MYL5: variants seen among roughly 807,000 people sequenced by gnomAD.
The protein encoded by MYL5 is myosin regulatory light chain 5.
Under a neutral mutation model 20.8 loss-of-function variants are expected in MYL5, and 28 were observed. That is an observed-to-expected ratio of 1.35 (90% CI 1.00 to 1.84). The LOEUF (loss-of-function observed/expected upper bound fraction) is 1.84, where lower values mean the gene tolerates loss of function less well. MYL5 is among the 40% of genes most tolerant of loss of function. The pLI is 0.00. For missense variants in MYL5, 274 were observed against 227.3 expected, an observed-to-expected ratio of 1.21 and a Z score of -1.32; for synonymous variants, 118 against 87.4, an observed-to-expected ratio of 1.35 and a Z score of -1.95.
At chr4:681,928 G>T (rs534288644) in exon 7 of MYL5, 9 of 1,323,220 alleles carry the variant, frequency 6.8e-6, no homozygotes, top group Middle Eastern at 4.1e-4. Context: ...CCATCGATGT[G>T]GCGGGCAACC....
intron 6 of MYL5, among the ~76,000 whole-genome samples, chr4:681,541 G>A (rs1473183181): frequency 1.0e-5 from 1 of 96,158 alleles, no homozygotes; most frequent in African/African-American, 4.1e-5. Context: ...GGTCCTCCCC[G>A]ACGCTGCTGA....
intron 3 of MYL5, 49 bp from the exon 6 acceptor site, chr4:679,865 C>T: frequency 1.9e-6 from 3 of 1,541,428 alleles, no homozygotes; most frequent in Admixed American, 1.7e-5. Context: ...GCTGGTGGCA[C>T]AGGGCAGGCA....
upstream of MYL5, chr4:674,678 C>G (rs1033214726): frequency 1.2e-5 from 3 of 243,184 alleles, no homozygotes; most frequent in Non-Finnish European, 2.4e-5. Context: ...GCGTCGGAGG[C>G]CTGAGGTCAG....
chr4:681,632 C>G lies in MYL5; in HGVS notation c.421-261C>G, dbSNP rs1038678994. Among the ~76,000 whole-genome samples the G allele has an allele frequency of 3.3e-4, 29 of 87,632 alleles. 1 individual carries two copies. Among genetic ancestry groups the G allele is most frequent in the African/African-American group, 7.0e-4 (15 of 21,568 alleles). The allele number at this position is 87,632 out of a possible 152,430, so 57.5% of individuals were successfully genotyped here. The stretch of plus-strand genomic sequence containing the variant: ...CCCCTCCAGCGCCGCCCCGCCCCCT[C>G]CAGCGCCGCCCCGCCCCCTCCAGCG... On this transcript the variant is annotated intron_variant, in intron 6 of 6. Coordinates refer to ENST00000400159, the Ensembl canonical transcript of MYL5.
chr4:674,586 C>T (rs1167679635), upstream of MYL5: 35 of 397,480 alleles, frequency 8.8e-5, 1 homozygote, highest in South Asian at 7.7e-4. Flanking sequence ...CGCGCTGCTG[C>T]CGAGGCCCCG....
At chr4:681,917 T>G in exon 7 of MYL5, 1 of 1,319,418 alleles carries the variant, frequency 7.6e-7, no homozygotes, top group Non-Finnish European at 9.8e-7. Context: ...CCAGTTCGCC[T>G]CCATCGATGT....
In MYL5 at chr4:678,142, G is replaced by C. The variant is rs549105493; in HGVS notation, c.3+113G>C. 1.4e-5 allele frequency: 22 copies of C among 1,554,792 alleles called. 1 individual carries two copies. In the South Asian group the frequency reaches 2.3e-4, roughly 17 times the overall value. On this transcript the variant is annotated intron_variant, in intron 1 of 6. Coordinates refer to ENST00000400159, the Ensembl canonical transcript of MYL5. ...GTGTCCGTGCTTGCGTGTGAATGCA[G>C]GTGTGGGCGTGTGCTCTGCCTGCAT...
chr4:676,959 A>G, upstream of MYL5: 3 of 983,966 alleles, frequency 3.0e-6, no homozygotes, highest in South Asian at 9.4e-5. Flanking sequence ...AACTGTGACC[A>G]TGTGTCCCTC....
rs769387832 is a variant in MYL5 at position 681,080 on chromosome 4, C to T, written c.372-12C>T. On this transcript the variant is annotated splice_polypyrimidine_tract_variant and intron_variant, in intron 5 of 6. Transcript: ENST00000400159. ...CGCATCAGCCCGCGCTGACCCCTTT[C>T]CTCGTCCTCAGCATCAAGCGTCTGC... The T allele has an allele frequency of 6.3e-6, 10 of 1,595,778 alleles. No individual in the cohort carries two copies. In the East Asian group the frequency reaches 6.8e-5, roughly 11 times the overall value.
In MYL5 at chr4:678,535, C is replaced by T. The variant is rs546458755; in HGVS notation, c.4-123C>T. 53 of 1,464,064 alleles carry T rather than the reference C, an allele frequency of 3.6e-5. No homozygotes were observed. In the Middle Eastern group the frequency reaches 1.0e-3, roughly 28 times the overall value. 90.7% of individuals were successfully genotyped at this position (1,464,064 alleles called of 1,614,324 possible). A position where few individuals can be genotyped will look rare whatever the true frequency, so the allele number is the denominator to read the frequency against. On this transcript the variant is annotated intron_variant, in intron 1 of 6. Coordinates refer to ENST00000400159, the Ensembl canonical transcript of MYL5. ...GCTGGCATGCTCCTCAGCTGTCTGGCCCCCTCCAGCCCGAAGGGCTGAGGT... is the reference window on the plus strand; with the variant it reads ...GCTGGCATGCTCCTCAGCTGTCTGGTCCCCTCCAGCCCGAAGGGCTGAGGT...
chr4:681,885 G>A lies in MYL5; in HGVS notation c.421-8G>A. ...GCCCGCAAGGAGCCCTTTCGCCCCC[G>A]CCCGCAGGTGGACCAGATGTTCCAG... is the stretch of plus-strand genomic sequence containing the variant. On this transcript the variant is annotated splice_region_variant and splice_polypyrimidine_tract_variant and intron_variant, in intron 6 of 6. Transcript: ENST00000400159. 1.5e-6 allele frequency: 2 copies of A among 1,313,644 alleles called. No homozygotes were observed. Among genetic ancestry groups the A allele is most frequent in the Admixed American group, 3.1e-5 (1 of 32,446 alleles). The allele number at this position is 1,313,644 out of a possible 1,614,324, so 81.4% of individuals were successfully genotyped here. A position where few individuals can be genotyped will look rare whatever the true frequency, so the allele number is the denominator to read the frequency against.
chr4:677,869 C>T, upstream of MYL5: 1 of 1,276,288 alleles, frequency 7.8e-7, no homozygotes, highest in Admixed American at 1.7e-5. Flanking sequence ...GCTGCCAAAG[C>T]TCACTCTGCA....
At chr4:681,169 C>A in intron 6 of MYL5, 29 bp downstream of exon 8, 1 of 1,595,358 alleles carries the variant, frequency 6.3e-7, no homozygotes. Flanking sequence ...CTGCCAAGCC[C>A]ACGAGGGGAG....
intron 3 of MYL5, 188 bp downstream of exon 5, chr4:679,221 T>G: frequency 2.8e-6 from 2 of 701,956 alleles, no homozygotes; most frequent in Non-Finnish European, 2.6e-6. Context: ...GCAGAGAGCA[T>G]CCCAGGGTGA....
chr4:675,265 T>C (rs1190504396), upstream of MYL5: 1 of 152,340 alleles, frequency 6.6e-6, no homozygotes, highest in Non-Finnish European at 1.5e-5. Flanking sequence ...GCTTGGAGTC[T>C]AGGCAGGAGC....
At chr4:678,699 G>A in exon 2 of MYL5, 1 of 1,611,828 alleles carries the variant, frequency 6.2e-7, no homozygotes. Flanking sequence ...GTGCCCTCCG[G>A]GCCCAGAGAG....
At chr4:678,224 T>C (rs1159760157) in intron 1 of MYL5, 195 bp downstream of exon 3, 3 of 1,496,280 alleles carry the variant, frequency 2.0e-6, no homozygotes, top group African/African-American at 1.4e-5. Flanking sequence ...GTGTGGGCTG[T>C]GCTGTGTTGT....
At chr4:681,280 G>C in intron 6 of MYL5, 140 bp downstream of exon 8, 1 of 988,634 alleles carries the variant, frequency 1.0e-6, no homozygotes, top group South Asian at 1.5e-5. Context: ...GGGGGCTCCC[G>C]AAGTGCCCGT....
upstream of MYL5, chr4:675,821 G>T (rs1002450535): frequency 2.0e-5 from 3 of 152,294 alleles, no homozygotes; most frequent in South Asian, 4.1e-4. Context: ...GAACCCTACT[G>T]TGAGCTGCGC....
Sources: allele counts gnomAD v4.1 joint callset (sites outside exome capture counted in the v4.1 genomes callset), GRCh38; gene constraint gnomAD v4.1.1; transcripts MANE v1.5; gene names NCBI Gene and HGNC (gene_info 2026-07-23, HGNC 2026-07-21).